Variants in GPC5 observed in about 807,000 individuals in gnomAD.
GPC5 encodes glypican-5.
A neutral mutation model predicts 53.9 loss-of-function variants in GPC5; 47 were observed. That is an observed-to-expected ratio of 0.87 (90% CI 0.69 to 1.11). GPC5 has a LOEUF of 1.11. GPC5 is among the 50% of genes most tolerant of loss of function. GPC5 has a pLI of 0.00. For synonymous variants in GPC5, 286 were observed against 263.3 expected (o/e 1.09, Z -0.84); for missense variants, 748 against 713.1 (o/e 1.05, Z -0.56).
intron 7 of GPC5, among the ~76,000 whole-genome samples, chr13:92,538,543 A>C (rs1881802717): frequency 6.8e-6 from 1 of 146,128 alleles, no homozygotes; most frequent in African/African-American, 2.5e-5. Context: ...TACATGTGCC[A>C]TGGTGGTTTG....
At chr13:91,730,375 C>G (rs1181507580) in intron 4 of GPC5, among the ~76,000 whole-genome samples, 1 of 152,156 alleles carries the variant, frequency 6.6e-6, no homozygotes, top group Non-Finnish European at 1.5e-5. Flanking sequence ...GGGCTACCTT[C>G]TCGTGTGCCT....
intron 2 of GPC5, among the ~76,000 whole-genome samples, chr13:91,636,350 A>T (rs1035865427): frequency 1.3e-5 from 2 of 151,476 alleles, no homozygotes; most frequent in Admixed American, 1.3e-4. Flanking sequence ...TTTTCATTAA[A>T]AACATATATA....
chr13:92,818,362 TAAATAATTCTTTATTAAA>T (rs1398038747), intron 7 of GPC5, among the ~76,000 whole-genome samples: 3 of 152,020 alleles, frequency 2.0e-5, no homozygotes, highest in Admixed American at 6.5e-5. Flanking sequence ...ACATGCTTTA[TAAATAATTCTTTATTAAA>T]AAATAATTCT....
intron 2 of GPC5, among the ~76,000 whole-genome samples, chr13:91,571,957 A>G (rs9560826): frequency 1 from 117,400 of 117,970 alleles, 58,438 homozygotes; most frequent in Middle Eastern, 1. Context: ...ATATACACAC[A>G]TATATGTATA....
chr13:91,434,294 G>A (rs1242387703), intron 1 of GPC5, among the ~76,000 whole-genome samples: 2 of 152,036 alleles, frequency 1.3e-5, no homozygotes, highest in Admixed American at 1.3e-4. Context: ...TGTCCTGAAT[G>A]GTATTGCCTA....
intron 7 of GPC5, among the ~76,000 whole-genome samples, chr13:92,627,675 T>G (rs2139125519): frequency 6.6e-6 from 1 of 152,356 alleles, no homozygotes; most frequent in South Asian, 2.1e-4. Context: ...GAAAGGTTTC[T>G]TTTTTGTTTA....
intron 7 of GPC5, among the ~76,000 whole-genome samples, chr13:92,252,348 A>G (rs1054884260): frequency 5.3e-5 from 8 of 152,192 alleles, no homozygotes; most frequent in African/African-American, 1.9e-4. Flanking sequence ...ACAGAAAGTA[A>G]TAAATGCAAA....
intron 1 of GPC5, among the ~76,000 whole-genome samples, chr13:91,422,442 C>T (rs1878701773): frequency 6.6e-6 from 1 of 151,962 alleles, no homozygotes; most frequent in Non-Finnish European, 1.5e-5. Flanking sequence ...TTGAGACTAG[C>T]CTGGCCAACA....
At chr13:92,384,100 G>A (rs1309908470) in intron 7 of GPC5, among the ~76,000 whole-genome samples, 1 of 147,394 alleles carries the variant, frequency 6.8e-6, no homozygotes, top group Non-Finnish European at 1.5e-5. Context: ...GGCATATTAA[G>A]ATAGATACAC....
intron 2 of GPC5, among the ~76,000 whole-genome samples, chr13:91,467,906 A>T (rs992561645): frequency 6.6e-6 from 1 of 152,082 alleles, no homozygotes; most frequent in Non-Finnish European, 1.5e-5. Context: ...ATTCTTTGAG[A>T]TTATCTAGAC....
intron 7 of GPC5, among the ~76,000 whole-genome samples, chr13:92,722,461 ACAGAATAAAG>A (rs1371180291): frequency 6.6e-6 from 1 of 151,870 alleles, no homozygotes; most frequent in African/African-American, 2.4e-5. Context: ...CCACTTAACC[ACAGAATAAAG>A]CATAAATTTC....
intron 2 of GPC5, among the ~76,000 whole-genome samples, chr13:91,546,612 A>G (rs2030304128): frequency 6.6e-6 from 1 of 151,986 alleles, no homozygotes; most frequent in African/African-American, 2.4e-5. Flanking sequence ...GTATGTCATG[A>G]TGTTTGTGTT....
At chr13:91,430,330 C>T (rs1398905494) in intron 1 of GPC5, among the ~76,000 whole-genome samples, 2 of 152,180 alleles carry the variant, frequency 1.3e-5, no homozygotes, top group East Asian at 1.9e-4. Flanking sequence ...GCCAACTGTG[C>T]CCTTGGGAAG....
Position 92,554,078 on chromosome 13 carries a change from TA to T in GPC5, c.1562-312200del, listed in dbSNP as rs370032545. ...AAACAATATACAAGAGAAGGCAAAATAAAATTTGCCCACAATCATGGTTCAA... is the reference window on the plus strand; with the variant it reads ...AAACAATATACAAGAGAAGGCAAAATAAATTTGCCCACAATCATGGTTCAA... On this transcript the variant is annotated intron_variant, in intron 7 of 7. Transcript: ENST00000377067. Among the ~76,000 whole-genome samples the T allele has an allele frequency of 4.3e-3, 646 of 151,978 alleles. 5 individuals are homozygous for T. Among genetic ancestry groups the T allele is most frequent in the African/African-American group, 0.015 (622 of 41,502 alleles).
chr13:91,435,810 C>G (rs1407780155), intron 1 of GPC5, among the ~76,000 whole-genome samples: 1 of 152,190 alleles, frequency 6.6e-6, no homozygotes, highest in Admixed American at 6.5e-5. Context: ...GTGAATCCAT[C>G]TGGTCCTGGA....
chr13:91,919,619 C>A (rs918304729), intron 6 of GPC5, among the ~76,000 whole-genome samples: 1 of 152,034 alleles, frequency 6.6e-6, no homozygotes, highest in African/African-American at 2.4e-5. Flanking sequence ...TCTGGCAACA[C>A]CTAGGATACA....
chr13:91,565,875 T>C (rs558324112), intron 2 of GPC5, among the ~76,000 whole-genome samples: 1 of 152,322 alleles, frequency 6.6e-6, no homozygotes, highest in South Asian at 2.1e-4. Context: ...AGGATGACTC[T>C]ATTCCATGTT....
At chr13:91,673,201 T>G (rs1334196200) in intron 2 of GPC5, among the ~76,000 whole-genome samples, 1 of 151,622 alleles carries the variant, frequency 6.6e-6, no homozygotes, top group Non-Finnish European at 1.5e-5. Flanking sequence ...TGTGGTTTTA[T>G]TTTTTTTAGA....
intron 6 of GPC5, among the ~76,000 whole-genome samples, chr13:92,118,530 T>C (rs2041618614): frequency 6.6e-6 from 1 of 152,112 alleles, no homozygotes; most frequent in Admixed American, 6.5e-5. Context: ...CAGGTAGAGC[T>C]GAGTGGGAAA....
Sources: allele counts gnomAD v4.1 joint callset (sites outside exome capture counted in the v4.1 genomes callset), GRCh38; gene constraint gnomAD v4.1.1; transcripts MANE v1.5; gene names NCBI Gene and HGNC (gene_info 2026-07-23, HGNC 2026-07-21).